ARRB1: variants seen among roughly 807,000 people sequenced by gnomAD.
The protein encoded by ARRB1 is arrestin beta 1, also known as beta-arrestin-1.
Under a neutral mutation model 56.8 loss-of-function variants are expected in ARRB1, and 21 were observed. The observed-to-expected ratio is 0.37, with a 90% CI of 0.26 to 0.53. The LOEUF (loss-of-function observed/expected upper bound fraction) is 0.53. Among genes scored for constraint, ARRB1 ranks in the 20% least tolerant of loss-of-function variants. The pLI, the probability that ARRB1 is intolerant of heterozygous loss-of-function variation, is 0.88. For missense variants in ARRB1, 424 were observed against 553.7 expected (o/e 0.77, Z 2.35); for synonymous variants, 210 against 218.6 (o/e 0.96, Z 0.35).
At chr11:75,338,341 T>G (rs763382204) in intron 1 of ARRB1, among the ~76,000 whole-genome samples, 3 of 152,156 alleles carry the variant, frequency 2.0e-5, no homozygotes, top group Admixed American at 6.5e-5. Context: ...GAGTGGGGCT[T>G]GACCTGAGCC....
At chr11:75,299,067 TG>T (rs143846053) in intron 1 of ARRB1, among the ~76,000 whole-genome samples, 2,086 of 151,858 alleles carry the variant, frequency 0.014, 41 homozygotes, top group African/African-American at 0.045. Context: ...CAAGGGTTGA[TG>T]GGAGTGGGAA....
chr11:75,305,018 C>CTTTTTTTTTTTTTTTT (rs35323331), intron 1 of ARRB1, among the ~76,000 whole-genome samples: 11 of 86,734 alleles, frequency 1.3e-4, no homozygotes, highest in Non-Finnish European at 2.0e-4. Context: ...TTCTTTCTTT[C>CTTTTTTTTTTTTTTTT]TTTTTTTTTT....
At chr11:75,299,410 A>T (rs1181936500) in intron 1 of ARRB1, among the ~76,000 whole-genome samples, 1 of 152,064 alleles carries the variant, frequency 6.6e-6, no homozygotes, top group African/African-American at 2.4e-5. Context: ...TTTCCCTAAC[A>T]AGATATGTCT....
chr11:75,297,978 G>A lies in ARRB1; in HGVS notation c.21-7939C>T, dbSNP rs937285293. On this transcript the variant is annotated intron_variant, in intron 1 of 15. Transcript: ENST00000420843. Reference sequence around the variant, plus strand: ...TTAAGTGTAAGTCTTCATGACCTTGGGTTAAGCAATGGTTTCTTAGATATG... The same window carrying A: ...TTAAGTGTAAGTCTTCATGACCTTGAGTTAAGCAATGGTTTCTTAGATATG... 4.0e-5 allele frequency among the ~76,000 whole-genome samples: 6 copies of A among 150,876 alleles called. No homozygotes were observed. The South Asian group carries it at 1.3e-3, about 32-fold the overall frequency.
chr11:75,314,828 A>G (rs1014270387), intron 1 of ARRB1, among the ~76,000 whole-genome samples: 3 of 151,890 alleles, frequency 2.0e-5, no homozygotes, highest in African/African-American at 7.2e-5. Flanking sequence ...GCTGGTCTCA[A>G]ACTCCTGACC....
Position 75,261,180 on chromosome 11 carries a change from A to ATG in ARRB1, c.*4982_*4983insCA, listed in dbSNP as rs1945779187. The ATG allele has an allele frequency of 9.3e-6, 1 of 107,090 alleles. No individual in the cohort carries two copies. Among genetic ancestry groups the ATG allele is most frequent in the African/African-American group, 3.6e-5 (1 of 27,640 alleles). 6.6% of individuals were successfully genotyped at this position (107,090 alleles called of 1,614,324 possible). On this transcript the variant is annotated 3_prime_UTR_variant, in exon 16 of 16. Transcript: ENST00000420843. ...TGGCTAGAAAAACCATCAACTATGT[A>ATG]CGTGTGTGTGTGTGTGTGTGTGTGT...
At chr11:75,324,620 T>C (rs1413995596) in intron 1 of ARRB1, among the ~76,000 whole-genome samples, 2 of 151,874 alleles carry the variant, frequency 1.3e-5, no homozygotes, top group Admixed American at 6.6e-5. Flanking sequence ...TGGGTGTGGG[T>C]GTGGAATAGG....
chr11:75,278,432 CAA>C (rs1946248451), intron 8 of ARRB1, among the ~76,000 whole-genome samples, 175 bp downstream of exon 8: 1 of 152,206 alleles, frequency 6.6e-6, no homozygotes, highest in South Asian at 2.1e-4. Flanking sequence ...CCTTTAGGCC[CAA>C]GAGGCTTCTC....
At chr11:75,338,419 C>T (rs1186395330) in intron 1 of ARRB1, among the ~76,000 whole-genome samples, 4 of 152,156 alleles carry the variant, frequency 2.6e-5, no homozygotes, top group South Asian at 4.1e-4. Flanking sequence ...GTTTGGATCC[C>T]CTGAACTGGG....
intron 8 of ARRB1, 107 bp from the exon 9 acceptor site, chr11:75,277,555 G>A: frequency 1.0e-6 from 1 of 992,012 alleles, no homozygotes; most frequent in Non-Finnish European, 1.6e-6. Context: ...CCCAGACCTT[G>A]CGCAGACCTT....
chr11:75,344,681 A>C (rs1947739331), intron 1 of ARRB1, among the ~76,000 whole-genome samples: 1 of 152,204 alleles, frequency 6.6e-6, no homozygotes, highest in Admixed American at 6.5e-5. Context: ...GGAAGGCAGA[A>C]GAGAAGGTGC....
chr11:75,279,565 AACTATGT>A (rs1946282222), intron 7 of ARRB1, among the ~76,000 whole-genome samples: 1 of 152,194 alleles, frequency 6.6e-6, no homozygotes, highest in Non-Finnish European at 1.5e-5. Context: ...TCCTCTTACT[AACTATGT>A]GGCCCTGGGT....
intron 1 of ARRB1, among the ~76,000 whole-genome samples, chr11:75,300,289 G>T (rs1302734948): frequency 6.6e-6 from 1 of 151,636 alleles, no homozygotes; most frequent in African/African-American, 2.4e-5. Context: ...AGTTACTGCT[G>T]TAAGTGAGTT....
intron 1 of ARRB1, among the ~76,000 whole-genome samples, chr11:75,318,833 T>C (rs1947303221): frequency 6.6e-6 from 1 of 152,186 alleles, no homozygotes; most frequent in South Asian, 2.1e-4. Context: ...CACTGAGAAC[T>C]GGGCTGTCAG....
Position 75,267,662 on chromosome 11 carries a change from G to A in ARRB1, c.1135C>T (p.Leu379Phe), listed in dbSNP as rs1269638909. The A allele has an allele frequency of 5.8e-6, 8 of 1,387,356 alleles. No homozygotes were observed. The highest frequency in any genetic ancestry group is 1.5e-5 in the African/African-American group (1 of 67,030). The allele number at this position is 1,387,356 out of a possible 1,614,324, so 85.9% of individuals were successfully genotyped here. ...ETPVDTNLIELDTNDDDIVFE... is the reference protein window; with the variant it reads ...ETPVDTNLIEFDTNDDDIVFE... ...CAGGGTTCAGCTTACTTTGTGTCAA[G>A]TTCTATGAGATTGGTATCTACTGGC... The change falls in exon 15 of 16, where the codon CTT becomes TTT. Residue 379 changes from leucine to phenylalanine, a missense_variant. Leu to Phe is a conservative substitution (Grantham distance 22). This residue lies in a region of ARRB1 where 121 missense variants were observed against 147.3 expected (regional missense o/e 0.82). Transcript: ENST00000420843.
intron 13 of ARRB1, chr11:75,269,307 C>CG (rs1554971789): frequency 6.9e-6 from 3 of 435,186 alleles, no homozygotes; most frequent in African/African-American, 6.1e-5. Flanking sequence ...GACCCCCCCC[C>CG]ACCTCAAATC....
intron 13 of ARRB1, among the ~76,000 whole-genome samples, chr11:75,269,819 C>T (rs1446028693): frequency 1.3e-5 from 2 of 152,230 alleles, no homozygotes; most frequent in African/African-American, 4.8e-5. Context: ...GATTCTGGCT[C>T]CATAACCACA....
chr11:75,325,407 C>T (rs1037450103), intron 1 of ARRB1, among the ~76,000 whole-genome samples: 8 of 152,174 alleles, frequency 5.3e-5, no homozygotes, highest in Admixed American at 1.3e-4. Flanking sequence ...CTGCAACCTC[C>T]GCCTCCTGGG....
At chr11:75,303,342 T>TG (rs1946948459) in intron 1 of ARRB1, among the ~76,000 whole-genome samples, 1 of 152,026 alleles carries the variant, frequency 6.6e-6, no homozygotes. Flanking sequence ...AATTTCCAGG[T>TG]GCGTGCCCTG....
Sources: gnomAD v4.1 joint callset for allele counts (sites outside exome capture counted in the v4.1 genomes callset) on GRCh38, gnomAD v4.1.1 for gene constraint, gnomAD v4.1.1 regional missense constraint, MANE v1.5 for transcripts, NCBI Gene and HGNC (gene_info 2026-07-23, HGNC 2026-07-21) for gene names.